The following URGCP variants were observed in gnomAD, a reference collection of about 807,000 sequenced individuals.
URGCP encodes up-regulator of cell proliferation.
Under a neutral mutation model 24.6 loss-of-function variants are expected in URGCP, and 13 were observed. That is an observed-to-expected ratio of 0.53 (90% CI 0.34 to 0.84). The LOEUF is 0.84. Ranked by LOEUF, URGCP falls within the 40% of genes least tolerant of loss-of-function variation. URGCP has a pLI of 0.01. For synonymous variants in URGCP, 444 were observed against 487.2 expected, an observed-to-expected ratio of 0.91 and a Z score of 1.17; for missense variants, 899 against 1,194.3, an observed-to-expected ratio of 0.75 and a Z score of 3.64.
intron 1 of URGCP, among the ~76,000 whole-genome samples, chr7:43,894,825 T>C (rs2095876007): frequency 6.6e-6 from 1 of 152,014 alleles, no homozygotes; most frequent in South Asian, 2.1e-4. Flanking sequence ...AGCTAGGAGT[T>C]TGAGAACAAG....
At chr7:43,920,419 T>C (rs2095920972) in intron 1 of URGCP, among the ~76,000 whole-genome samples, 1 of 151,976 alleles carries the variant, frequency 6.6e-6, no homozygotes, top group South Asian at 2.1e-4. Context: ...AAAAATTAGC[T>C]GGGTGTGGTG....
chr7:43,877,614 A>C lies in URGCP; in HGVS notation c.1849T>G (p.Leu617Val), dbSNP rs2095846996. 6.2e-7 allele frequency: 1 copy of C among 1,614,206 alleles called. No individual in the cohort carries two copies. The highest frequency in any genetic ancestry group is 8.5e-7 in the Non-Finnish European group (1 of 1,180,042). Residue 617 changes from leucine to valine, a missense_variant, in exon 6 of 6, where the codon TTG becomes GTG. Physicochemically the swap from Leu to Val is conservative, Grantham distance 32. Transcript: ENST00000453200. Reference protein sequence around the residue: ...WPEPLGVEHFLREMGQFYEAE... With the variant: ...WPEPLGVEHFVREMGQFYEAE... ...TCATAAAACTGTCCCATCTCCCGCA[A>C]GAAGTGTTCCACCCCTAGGGGCTCA...
At chr7:43,881,978 A>C in intron 3 of URGCP, 21 bp from the exon 4 acceptor site, 1 of 1,614,044 alleles carries the variant, frequency 6.2e-7, no homozygotes, top group Non-Finnish European at 8.5e-7. Context: ...AAAGAAACCA[A>C]ATACATTTAG....
At chr7:43,914,410 T>A (rs899530753) in intron 1 of URGCP, among the ~76,000 whole-genome samples, 1 of 152,070 alleles carries the variant, frequency 6.6e-6, no homozygotes, top group African/African-American at 2.4e-5. Context: ...GTGCCTGAGG[T>A]GAGAGCATCT....
intron 3 of URGCP, among the ~76,000 whole-genome samples, chr7:43,885,793 T>C (rs1159863041): frequency 1.3e-5 from 2 of 152,238 alleles, no homozygotes; most frequent in Non-Finnish European, 2.9e-5. Flanking sequence ...GTTCTCCATC[T>C]GCAATGTCCA....
At chr7:43,894,020 A>G (rs1414729016) in intron 1 of URGCP, among the ~76,000 whole-genome samples, 1 of 152,242 alleles carries the variant, frequency 6.6e-6, no homozygotes, top group Admixed American at 6.5e-5. Flanking sequence ...TAAAGGGATC[A>G]ATTCAGCAAG....
At chr7:43,921,613 G>A (rs953821200) in intron 1 of URGCP, among the ~76,000 whole-genome samples, 1 of 152,122 alleles carries the variant, frequency 6.6e-6, no homozygotes, top group African/African-American at 2.4e-5. Flanking sequence ...TTACAACTTG[G>A]CAAGGCCCAG....
upstream of URGCP, chr7:43,926,575 T>C: frequency 6.4e-7 from 1 of 1,565,626 alleles, no homozygotes; most frequent in Non-Finnish European, 8.6e-7. Flanking sequence ...TTTCCCACCC[T>C]CCAACTCTTT....
chr7:43,906,097 A>G (rs2095901718), intron 1 of URGCP: 1 of 152,172 alleles, frequency 6.6e-6, no homozygotes, highest in African/African-American at 2.4e-5. Flanking sequence ...CGACGCGGCA[A>G]ACAAGCGTCC....
At chr7:43,906,607 T>G, upstream of URGCP, 1 of 1,194,756 alleles carries the variant, frequency 8.4e-7, no homozygotes, top group Non-Finnish European at 1.0e-6. Context: ...CCCGCCTCCT[T>G]CGCTTCCTCC....
At position 43,876,962 on chromosome 7, in the gene URGCP, T is replaced by A. The variant is rs2095845554; in HGVS notation, c.2501A>T (p.Asp834Val). ...AGGTGGATCCAGGAGCTGTCTCTTGTCTCTGGGCCTAGGGCCGGGAACAGA... is the reference window on the plus strand; with the variant it reads ...AGGTGGATCCAGGAGCTGTCTCTTGACTCTGGGCCTAGGGCCGGGAACAGA... ...DVSVPGPRPR[D>V]KRQLLDPPGD... Residue 834 changes from aspartate to valine, a missense_variant, in exon 6 of 6, where the codon GAC becomes GTC. By Grantham distance (152) the Asp-to-Val change is radical. Transcript: ENST00000453200. The A allele has an allele frequency of 6.2e-7, 1 of 1,614,070 alleles. No individual in the cohort carries two copies. The highest frequency in any genetic ancestry group is 1.7e-5 in the Admixed American group (1 of 60,006).
chr7:43,921,141 C>T (rs943971683), intron 1 of URGCP, among the ~76,000 whole-genome samples: 11 of 152,030 alleles, frequency 7.2e-5, no homozygotes, highest in African/African-American at 1.2e-4. Context: ...CTGGCTAACA[C>T]GGTGAAACCC....
chr7:43,914,722 C>T (rs2095913682), intron 1 of URGCP, among the ~76,000 whole-genome samples: 1 of 152,138 alleles, frequency 6.6e-6, no homozygotes, highest in African/African-American at 2.4e-5. Flanking sequence ...ATTCTTTTCT[C>T]TGTTCAAATT....
chr7:43,877,549 T>C lies in URGCP; in HGVS notation c.1914A>G (p.Ala638=). The change falls in exon 6 of 6, where the codon GCA becomes GCG. Residue 638 remains alanine, a synonymous_variant. Transcript: ENST00000453200. The part of the protein sequence containing the change: ...SCLVEAGRLP[A]GQRRFAHFPG... ...GGAAGTGGGCAAAACGCCTCTGGCC[T>C]GCCGGCAGCCTCCCTGCCTCCACAA... 1 of 1,613,890 alleles carries C rather than the reference T, an allele frequency of 6.2e-7. No individual in the cohort carries two copies. Among genetic ancestry groups the C allele is most frequent in the South Asian group, 1.1e-5 (1 of 91,086 alleles).
At chr7:43,920,494 C>T (rs769829106) in intron 1 of URGCP, among the ~76,000 whole-genome samples, 6 of 152,090 alleles carry the variant, frequency 3.9e-5, no homozygotes, top group Admixed American at 2.0e-4. Flanking sequence ...ACCTGGGAGG[C>T]GGAGGTTGCA....
intron 3 of URGCP, among the ~76,000 whole-genome samples, chr7:43,883,594 C>T (rs533305035): frequency 1.3e-5 from 2 of 151,962 alleles, no homozygotes; most frequent in East Asian, 1.9e-4. Flanking sequence ...ATCTCCTGAC[C>T]TTGTGATCCA....
chr7:43,919,666 C>A (rs1445348935), intron 1 of URGCP: 5 of 1,373,314 alleles, frequency 3.6e-6, no homozygotes, highest in East Asian at 4.6e-5. Context: ...ATCCTCAACA[C>A]CATCCAGGGA....
upstream of URGCP, among the ~76,000 whole-genome samples, chr7:43,907,886 G>C (rs996813101): frequency 2.6e-5 from 4 of 152,132 alleles, no homozygotes; most frequent in African/African-American, 9.7e-5. Context: ...ATTCATAACT[G>C]CTACCTTGAG....
At chr7:43,911,555 G>C (rs2095910143), upstream of URGCP, among the ~76,000 whole-genome samples, 1 of 152,160 alleles carries the variant, frequency 6.6e-6, no homozygotes, top group African/African-American at 2.4e-5. Context: ...AAATTAGCCA[G>C]GCGTGGCGGT....
Sources: gnomAD v4.1 joint callset for allele counts (sites outside exome capture counted in the v4.1 genomes callset) on GRCh38, gnomAD v4.1.1 for gene constraint, MANE v1.5 for transcripts, NCBI Gene and HGNC (gene_info 2026-07-23, HGNC 2026-07-21) for gene names.